SNTG2: variants seen among roughly 807,000 people sequenced by gnomAD.
SNTG2 encodes gamma-2-syntrophin.
A neutral mutation model predicts 70.9 loss-of-function variants in SNTG2; 74 were observed. That is an observed-to-expected ratio of 1.04 (90% CI 0.86 to 1.27). The LOEUF is 1.27. Among genes scored for constraint, SNTG2 ranks in the 50% most tolerant of loss-of-function variants. The pLI is 0.00. For synonymous variants in SNTG2, 278 were observed against 273.8 expected (o/e 1.02, Z -0.15); for missense variants, 717 against 690.7 (o/e 1.04, Z -0.43).
chr2:1,303,451 T>G (rs939271096), intron 14 of SNTG2, among the ~76,000 whole-genome samples: 2 of 152,024 alleles, frequency 1.3e-5, no homozygotes, highest in Non-Finnish European at 2.9e-5. Context: ...ATGAGAACCC[T>G]GTAATATATC....
At chr2:1,357,574 G>T (rs1262805457) in intron 16 of SNTG2, among the ~76,000 whole-genome samples, 1 of 152,130 alleles carries the variant, frequency 6.6e-6, no homozygotes, top group African/African-American at 2.4e-5. Flanking sequence ...GTTTTTGAAA[G>T]AATTTGACAA....
intron 1 of SNTG2, among the ~76,000 whole-genome samples, chr2:1,081,819 C>T (rs925843147): frequency 7.2e-5 from 11 of 152,240 alleles, no homozygotes. Context: ...GGGAAGAAAC[C>T]ATTAGAGTTC....
chr2:1,025,795 C>G (rs959193162), intron 1 of SNTG2, among the ~76,000 whole-genome samples: 1 of 152,226 alleles, frequency 6.6e-6, no homozygotes, highest in African/African-American at 2.4e-5. Flanking sequence ...CAATGTCCCC[C>G]TGCTATGTGA....
At chr2:1,329,704 GA>G (rs1369706724) in intron 16 of SNTG2, among the ~76,000 whole-genome samples, 1 of 152,172 alleles carries the variant, frequency 6.6e-6, no homozygotes, top group Non-Finnish European at 1.5e-5. Flanking sequence ...ACAAAAGTCC[GA>G]TTGACAAGAA....
intron 6 of SNTG2, among the ~76,000 whole-genome samples, chr2:1,159,140 A>C (rs1053109708): frequency 2.1e-5 from 1 of 46,762 alleles, no homozygotes; most frequent in Non-Finnish European, 6.0e-5. Flanking sequence ...ATGGGTGTGC[A>C]TATGTGGGGG....
intron 1 of SNTG2, among the ~76,000 whole-genome samples, chr2:1,071,156 T>C (rs1206717312): frequency 6.6e-6 from 1 of 152,116 alleles, no homozygotes; most frequent in African/African-American, 2.4e-5. Flanking sequence ...TCTGGGTATA[T>C]ACCCAAATGA....
At chr2:1,063,188 A>T (rs983652199) in intron 1 of SNTG2, among the ~76,000 whole-genome samples, 11 of 152,158 alleles carry the variant, frequency 7.2e-5, no homozygotes, top group South Asian at 4.1e-4. Flanking sequence ...ACTTTTTTTT[A>T]AAATTCGTAA....
At chr2:1,309,564 C>T (rs72770673) in intron 15 of SNTG2, among the ~76,000 whole-genome samples, 15,686 of 152,316 alleles carry the variant, frequency 0.1, 926 homozygotes, top group South Asian at 0.19. Flanking sequence ...CAGGGTGGAG[C>T]CCAGGGATGC....
At chr2:1,186,583 TGGAAGCCAAAGG>T (rs1445891158) in intron 8 of SNTG2, among the ~76,000 whole-genome samples, 1 of 152,126 alleles carries the variant, frequency 6.6e-6, no homozygotes. Context: ...ACAATCATGT[TGGAAGCCAAAGG>T]GGAAGCAGGC....
rs1369194099 is a variant in SNTG2 at position 1,237,969 on chromosome 2, C to A, written c.801C>A (p.Asp267Glu). 3 of 1,610,170 alleles carry A rather than the reference C, an allele frequency of 1.9e-6. No individual in the cohort carries two copies. Among genetic ancestry groups the A allele is most frequent in the Non-Finnish European group, 2.5e-6 (3 of 1,178,662 alleles). The change falls in exon 10 of 17, where the codon GAC becomes GAA. Residue 267 changes from aspartate to glutamate, a missense_variant. Asp to Glu is a conservative substitution (Grantham distance 45, BLOSUM62 2). Transcript: ENST00000308624. ...LRFYTAQDGT[D>E]WLRAVSANIR... ...TTTACACAGCCCAGGATGGCACCGACTGGCTGCGGGCGGTCTCAGCCAACA... is the reference window on the plus strand; with the variant it reads ...TTTACACAGCCCAGGATGGCACCGAATGGCTGCGGGCGGTCTCAGCCAACA...
intron 1 of SNTG2, among the ~76,000 whole-genome samples, chr2:1,022,705 A>G (rs558984076): frequency 2.0e-5 from 3 of 152,024 alleles, no homozygotes; most frequent in African/African-American, 7.2e-5. Context: ...TACATTTTTT[A>G]TTAATAAGGG....
chr2:1,136,615 A>C (rs1463533751), intron 4 of SNTG2, among the ~76,000 whole-genome samples: 1 of 152,242 alleles, frequency 6.6e-6, no homozygotes, highest in African/African-American at 2.4e-5. Context: ...ATAGTTTGTC[A>C]AGAGCATTCC....
chr2:1,103,042 C>A (rs1376845591), intron 4 of SNTG2, among the ~76,000 whole-genome samples: 1 of 152,208 alleles, frequency 6.6e-6, no homozygotes, highest in East Asian at 1.9e-4. Flanking sequence ...CCCCTGGTCC[C>A]TCTGATGTGG....
chr2:1,320,480 C>T (rs1308570740), intron 16 of SNTG2, among the ~76,000 whole-genome samples: 2 of 146,636 alleles, frequency 1.4e-5, no homozygotes, highest in East Asian at 2.0e-4. Context: ...TACAGTGAGC[C>T]GAGATCATCG....
intron 10 of SNTG2, among the ~76,000 whole-genome samples, chr2:1,239,190 TAGGC>T (rs1418886594): frequency 3.3e-5 from 5 of 152,182 alleles, no homozygotes; most frequent in Non-Finnish European, 5.9e-5. Context: ...TCAGCCCTCA[TAGGC>T]AGGGCAGAGA....
chr2:1,031,829 A>G (rs1456103795), intron 1 of SNTG2, among the ~76,000 whole-genome samples: 1 of 152,024 alleles, frequency 6.6e-6, no homozygotes, highest in African/African-American at 2.4e-5. Flanking sequence ...CACATGAAAT[A>G]TCATGCATAG....
At chr2:1,183,183 CTT>C (rs901096313) in intron 8 of SNTG2, among the ~76,000 whole-genome samples, 2 of 152,168 alleles carry the variant, frequency 1.3e-5, no homozygotes, top group African/African-American at 2.4e-5. Flanking sequence ...CAGCAGTAGA[CTT>C]TTTTATTTTT....
At chr2:961,049 T>G (rs1288835166) in intron 1 of SNTG2, among the ~76,000 whole-genome samples, 3 of 152,210 alleles carry the variant, frequency 2.0e-5, no homozygotes, top group Non-Finnish European at 4.4e-5. Flanking sequence ...ATTTCTGATT[T>G]TATCACCATT....
At chr2:1,285,527 C>CA (rs1373783029) in intron 14 of SNTG2, among the ~76,000 whole-genome samples, 2 of 152,092 alleles carry the variant, frequency 1.3e-5, no homozygotes, top group African/African-American at 4.8e-5. Context: ...ACAAAGTTAA[C>CA]AATACTTAAA....
Sources: gnomAD v4.1 joint callset for allele counts (sites outside exome capture counted in the v4.1 genomes callset) on GRCh38, gnomAD v4.1.1 for gene constraint, MANE v1.5 for transcripts, NCBI Gene and HGNC (gene_info 2026-07-23, HGNC 2026-07-21) for gene names.